GSTA1: variants seen among roughly 807,000 people sequenced by gnomAD.
GSTA1 encodes the protein glutathione S-transferase A1.
Under a neutral mutation model 21.5 loss-of-function variants are expected in GSTA1, and 23 were observed. The ratio of observed to expected loss-of-function variants is 1.07; its 90% CI spans 0.77 to 1.52. The LOEUF is 1.52. Among genes scored for constraint, GSTA1 ranks in the 40% most tolerant of loss-of-function variants. GSTA1 has a pLI of 0.00. For synonymous variants in GSTA1, 125 were observed against 90.0 expected (o/e 1.39, Z -2.20); for missense variants, 301 against 264.2 (o/e 1.14, Z -0.96).
At chr6:52,799,414 G>A in intron 1 of GSTA1, 117 bp from the exon 2 acceptor site, 1 of 658,000 alleles carries the variant, frequency 1.5e-6, no homozygotes, top group Non-Finnish European at 2.5e-6. Flanking sequence ...CTTCATGACT[G>A]TGTTGGAGGA....
In GSTA1 at chr6:52,799,193, T is replaced by A; in HGVS notation, c.75A>T (p.Ala25=). ...RMESTRWLLA[A]AGVEFEEKFI... ...ACTCAGAACCTACCTCTACTCCAGC[T>A]GCAGCCAGGAGCCACCGGGTGGACT... Residue 25 remains alanine (A), a synonymous_variant, in exon 2 of 7, where the codon GCA becomes GCT. Coordinates refer to ENST00000334575, the MANE Select transcript of GSTA1 (RefSeq NM_145740.5). 3 of 1,613,880 alleles carry A rather than the reference T, an allele frequency of 1.9e-6. No homozygotes were observed. The highest frequency in any genetic ancestry group is 2.5e-6 in the Non-Finnish European group (3 of 1,179,820).
At position 52,791,417 on chromosome 6, in the gene GSTA1, C is replaced by G. The variant is rs111528251; in HGVS notation, c.*441G>C. 0.012 allele frequency among the ~76,000 whole-genome samples: 1,894 copies of G among 152,308 alleles called. 45 individuals carry two copies. Among genetic ancestry groups the G allele is most frequent in the African/African-American group, 0.042 (1,746 of 41,558 alleles). Reference sequence around the variant, plus strand: ...AACGCTTTTATCAGAAATAAAATGACTGTCCAGGAAAAGAAGAAAATGTCT... The same window carrying G: ...AACGCTTTTATCAGAAATAAAATGAGTGTCCAGGAAAAGAAGAAAATGTCT... On this transcript the variant is annotated 3_prime_UTR_variant, in exon 7 of 7. Coordinates refer to ENST00000334575, the MANE Select transcript of GSTA1 (RefSeq NM_145740.5).
At chr6:52,796,527 G>GTATATATA (rs1414102470) in intron 3 of GSTA1, among the ~76,000 whole-genome samples, 3 of 59,636 alleles carry the variant, frequency 5.0e-5, no homozygotes, top group East Asian at 3.4e-4. Flanking sequence ...GTGTGTGTGT[G>GTATATATA]TGTATATATA....
intron 1 of GSTA1, among the ~76,000 whole-genome samples, chr6:52,802,627 A>G (rs1763743795): frequency 6.6e-6 from 1 of 152,084 alleles, no homozygotes; most frequent in Non-Finnish European, 1.5e-5. Context: ...CAATCTATGT[A>G]TATGTATCTA....
At chr6:52,793,396 T>A (rs1763504592) in intron 5 of GSTA1, among the ~76,000 whole-genome samples, 1 of 152,060 alleles carries the variant, frequency 6.6e-6, no homozygotes, top group Non-Finnish European at 1.5e-5. Flanking sequence ...TGACTCCACC[T>A]TCATGACAAC....
In GSTA1 at chr6:52,795,450, T is replaced by G. The variant is rs1416085031; in HGVS notation, c.272+732A>C. On this transcript the variant is annotated intron_variant, in intron 4 of 6. Transcript: ENST00000334575. Reference sequence around the variant, plus strand: ...ATTTATTTATGTAAAATATATAGTGTGGATGTATTTTCGATTATTTGGGGA... The same window carrying G: ...ATTTATTTATGTAAAATATATAGTGGGGATGTATTTTCGATTATTTGGGGA... Among the ~76,000 whole-genome samples, 3 of 152,334 alleles carry G rather than the reference T, an allele frequency of 2.0e-5. No individual in the cohort carries two copies. The East Asian group carries it at 5.8e-4, about 29-fold the overall frequency.
At position 52,792,484 on chromosome 6, in the gene GSTA1, A is replaced by C. The variant is rs1266198551; in HGVS notation, c.546+372T>G. The stretch of plus-strand genomic sequence containing the variant: ...AGACAGCAGGAGCCGGAGCCCAGGG[A>C]GGAAACCAGATGGAAAGGGCTCTGC... On this transcript the variant is annotated intron_variant, in intron 6 of 6. Transcript: ENST00000334575. 3.3e-5 allele frequency among the ~76,000 whole-genome samples: 5 copies of C among 152,230 alleles called. No individual in the cohort carries two copies. In the East Asian group the frequency reaches 9.7e-4, roughly 29 times the overall value.
At chr6:52,801,149 G>A (rs977286436) in intron 1 of GSTA1, among the ~76,000 whole-genome samples, 9 of 152,138 alleles carry the variant, frequency 5.9e-5, no homozygotes, top group African/African-American at 2.2e-4. Context: ...CCGAAGTGCT[G>A]GGATTACAGG....
chr6:52,796,219 A>T lies in GSTA1; in HGVS notation c.235T>A (p.Tyr79Asn), dbSNP rs747636012. The change falls in exon 4 of 7, where the codon TAC becomes AAC. Residue 79 changes from tyrosine (Y) to asparagine (N), a missense_variant. Transcript: ENST00000334575. ...TTTATGTCTTTCCCATAGAGGTTGTATTTGCTGGCAATGTAGTTGAGAATG... is the reference window on the plus strand; with the variant it reads ...TTTATGTCTTTCCCATAGAGGTTGTTTTTGCTGGCAATGTAGTTGAGAATG... ...RAILNYIASK[Y>N]NLYGKDIKER... The T allele has an allele frequency of 2.5e-6, 4 of 1,613,638 alleles. No homozygotes were observed. In the South Asian group the frequency reaches 4.4e-5, roughly 18 times the overall value.
intron 1 of GSTA1, among the ~76,000 whole-genome samples, chr6:52,802,219 G>A (rs1445159014): frequency 6.6e-6 from 1 of 152,078 alleles, no homozygotes; most frequent in Non-Finnish European, 1.5e-5. Context: ...AAATGGGCTT[G>A]TTTTGAAAGG....
chr6:52,795,947 G>C (rs73437410), intron 4 of GSTA1, among the ~76,000 whole-genome samples: 1 of 152,064 alleles, frequency 6.6e-6, no homozygotes, highest in Non-Finnish European at 1.5e-5. Context: ...GGAAATTACC[G>C]TGAGGTGCTG....
intron 2 of GSTA1, among the ~76,000 whole-genome samples, chr6:52,798,580 A>AT (rs1221567156): frequency 5.1e-4 from 56 of 110,040 alleles, no homozygotes; most frequent in African/African-American, 1.8e-3. Context: ...ATGCATTTTT[A>AT]TTTTTTTATT....
At position 52,791,883 on chromosome 6, in the gene GSTA1, T is replaced by C; in HGVS notation, c.644A>G (p.Glu215Gly). ...TTAAAACCTGAAAATCTTCCTTGCT[T>C]CTTCTAAAGATTTCTCATCCATGGG... ...KPPMDEKSLE[E>G]ARKIFRF The change falls in exon 7 of 7, where the codon GAA becomes GGA. Residue 215 changes from glutamate (E) to glycine (G), a missense_variant. By Grantham distance (98) the Glu-to-Gly change is moderately conservative. Transcript: ENST00000334575. The C allele has an allele frequency of 6.2e-7, 1 of 1,614,018 alleles. No individual in the cohort carries two copies. Among genetic ancestry groups the C allele is most frequent in the South Asian group, 1.1e-5 (1 of 91,076 alleles).
intron 3 of GSTA1, among the ~76,000 whole-genome samples, chr6:52,796,543 A>ATATTTTTTTTTTTTTTTTT (rs1300549721): frequency 1.3e-4 from 3 of 23,756 alleles, no homozygotes; most frequent in Non-Finnish European, 1.1e-4. Flanking sequence ...ATATATATAT[A>ATATTTTTTTTTTTTTTTTT]TTTTTTTTTT....
rs768587238 is a variant in GSTA1 at position 52,797,565 on chromosome 6, G to A, written c.139+21C>T. 9.7e-5 allele frequency: 154 copies of A among 1,591,816 alleles called. No individual in the cohort carries two copies. In the African/African-American group the frequency reaches 1.7e-3, roughly 18 times the overall value. On this transcript the variant is annotated intron_variant, in intron 3 of 6. Coordinates refer to ENST00000334575, the MANE Select transcript of GSTA1 (RefSeq NM_145740.5). Reference sequence around the variant, plus strand: ...CTTCTACTAGATACCCTCATCAGAGGAACTTAGAGATTGATCTTACCATTT... The same window carrying A: ...CTTCTACTAGATACCCTCATCAGAGAAACTTAGAGATTGATCTTACCATTT...
chr6:52,794,393 A>C, intron 4 of GSTA1, 127 bp from the exon 5 acceptor site: 1 of 824,892 alleles, frequency 1.2e-6, no homozygotes, highest in Non-Finnish European at 1.9e-6. Context: ...TGCCTTTTAT[A>C]GTCTAGTCAT....
Position 52,794,210 on chromosome 6 carries a change from G to T in GSTA1, c.329C>A (p.Pro110His), listed in dbSNP as rs781555429. ...ADLGEMILLL[P>H]VCPPEEKDAK... Reference sequence around the variant, plus strand: ...ATCTTTTTCCTCAGGTGGACATACGGGCAGAAGGAGGATCATTTCACCCAA... The same window carrying T: ...ATCTTTTTCCTCAGGTGGACATACGTGCAGAAGGAGGATCATTTCACCCAA... Residue 110 changes from proline to histidine, a missense_variant, in exon 5 of 7, where the codon CCC (proline) becomes CAC (histidine). Coordinates refer to ENST00000334575, the MANE Select transcript of GSTA1 (RefSeq NM_145740.5). 14 of 1,613,726 alleles carry T rather than the reference G, an allele frequency of 8.7e-6. No individual in the cohort carries two copies. The highest frequency in any genetic ancestry group is 1.6e-4 in the Middle Eastern group (1 of 6,062).
intron 2 of GSTA1, 70 bp downstream of exon 2, chr6:52,799,111 G>C: frequency 1.4e-6 from 2 of 1,426,496 alleles, no homozygotes; most frequent in Non-Finnish European, 9.9e-7. Flanking sequence ...ACATCTCATA[G>C]TTTCTGTGGG....
At chr6:52,801,716 C>T (rs920297864) in intron 1 of GSTA1, among the ~76,000 whole-genome samples, 4 of 152,162 alleles carry the variant, frequency 2.6e-5, no homozygotes, top group African/African-American at 9.7e-5. Flanking sequence ...AACCAGAGAG[C>T]TCAAGGATTT....
Sources: allele counts gnomAD v4.1 joint callset (sites outside exome capture counted in the v4.1 genomes callset), GRCh38; gene constraint gnomAD v4.1.1; transcripts MANE v1.5; gene names NCBI Gene and HGNC (gene_info 2026-07-23, HGNC 2026-07-21).